Variants in COL10A1 observed in about 807,000 individuals in gnomAD.
The protein encoded by COL10A1 is collagen type X alpha 1 chain.
COL10A1 carries 10 observed loss-of-function variants against 18.2 expected under a neutral mutation model. The ratio of observed to expected loss-of-function variants is 0.55; its 90% CI spans 0.34 to 0.93. The LOEUF (loss-of-function observed/expected upper bound fraction) is 0.93, where lower values mean the gene tolerates loss of function less well. Ranked by LOEUF, COL10A1 falls within the 40% of genes least tolerant of loss-of-function variation. The pLI, the probability that COL10A1 is intolerant of heterozygous loss-of-function variation, is 0.02. For synonymous variants in COL10A1, 330 were observed against 316.6 expected, an observed-to-expected ratio of 1.04 and a Z score of -0.45; for missense variants, 897 against 853.5, an observed-to-expected ratio of 1.05 and a Z score of -0.64.
At chr6:116,144,616 A>G (rs527540454) in intron 1 of COL10A1, among the ~76,000 whole-genome samples, 1 of 152,310 alleles carries the variant, frequency 6.6e-6, no homozygotes, top group East Asian at 1.9e-4. Context: ...GGTGTATTTA[A>G]ATTAACCTTG....
intron 1 of COL10A1, among the ~76,000 whole-genome samples, chr6:116,146,781 T>A (rs1779908767): frequency 6.6e-6 from 1 of 151,992 alleles, no homozygotes; most frequent in Non-Finnish European, 1.5e-5. Context: ...ATTTAATGTA[T>A]GAAAAAGATA....
the COL10A1 span, among the ~76,000 whole-genome samples, chr6:116,176,638 A>G: frequency 6.6e-6 from 1 of 152,168 alleles, no homozygotes; most frequent in Middle Eastern, 3.2e-3. Context: ...TGTGCCCATA[A>G]TAGAGTTTTT....
the COL10A1 span, among the ~76,000 whole-genome samples, chr6:116,194,890 C>T: frequency 9.9e-5 from 15 of 151,950 alleles, no homozygotes; most frequent in Non-Finnish European, 2.1e-4. Context: ...TAGTTTGATA[C>T]AAGCATATTT....
intron 1 of COL10A1, among the ~76,000 whole-genome samples, chr6:116,158,113 A>T (rs1780242625): frequency 6.6e-6 from 1 of 152,232 alleles, no homozygotes; most frequent in Admixed American, 6.5e-5. Flanking sequence ...TCTAGTTTCA[A>T]TAGCTATTAA....
the COL10A1 span, among the ~76,000 whole-genome samples, chr6:116,184,314 G>A: frequency 6.6e-6 from 1 of 152,018 alleles, no homozygotes; most frequent in African/African-American, 2.4e-5. Flanking sequence ...ATATTTTGTT[G>A]AGGATTTTGC....
chr6:116,121,863 A>T lies in COL10A1; in HGVS notation c.253T>A (p.Tyr85Asn). The T allele has an allele frequency of 6.2e-7, 1 of 1,613,810 alleles. No homozygotes were observed. Among genetic ancestry groups the T allele is most frequent in the Non-Finnish European group, 8.5e-7 (1 of 1,179,928 alleles). Residue 85 changes from tyrosine (Y) to asparagine (N), a missense_variant, in exon 3 of 3, where the codon TAC becomes AAC. Tyr to Asn is a moderately radical substitution (Grantham distance 143, BLOSUM62 -2). Transcript: ENST00000651968. ...GPSGPPGKPG[Y>N]GSPGLQGEPG... ...TCTCCTTGGAGTCCAGGACTTCCGT[A>T]GCCTGGTTTTCCTGGTGGTCCAGAA...
chr6:116,214,357 T>G, the COL10A1 span, among the ~76,000 whole-genome samples: 1 of 152,164 alleles, frequency 6.6e-6, no homozygotes, highest in East Asian at 1.9e-4. Flanking sequence ...CTTAAAATGT[T>G]TTTAAACACA....
At chr6:116,135,868 T>C (rs199680402) in intron 1 of COL10A1, among the ~76,000 whole-genome samples, 22,489 of 115,170 alleles carry the variant, frequency 0.2, 2,109 homozygotes, top group East Asian at 0.29. Flanking sequence ...TATATATATA[T>C]ATATACACAC....
rs1474936795 is a variant in COL10A1, at chr6:116,119,094, G to C, written c.*979C>G. 1 of 152,596 alleles carries C rather than the reference G, an allele frequency of 6.6e-6. No homozygotes were observed. The highest frequency in any genetic ancestry group is 1.5e-5 in the Non-Finnish European group (1 of 68,038). 9.5% of individuals were successfully genotyped at this position (152,596 alleles called of 1,614,324 possible). A position where few individuals can be genotyped will look rare whatever the true frequency, so the allele number is the denominator to read the frequency against. On this transcript the variant is annotated 3_prime_UTR_variant, in exon 3 of 3. Transcript: ENST00000651968. ...AAACATTTTGTGCTTTAATAAGTGA[G>C]GCACAGCTTAAAAGTTTTAAACAGC...
At chr6:116,178,716 C>T in the COL10A1 span, among the ~76,000 whole-genome samples, 1 of 152,126 alleles carries the variant, frequency 6.6e-6, no homozygotes, top group African/African-American at 2.4e-5. Context: ...GAGCAGTTTC[C>T]CTATAATAAT....
intron 1 of COL10A1, among the ~76,000 whole-genome samples, chr6:116,139,625 T>G (rs1779713264): frequency 6.6e-6 from 1 of 152,172 alleles, no homozygotes; most frequent in Non-Finnish European, 1.5e-5. Context: ...TAAAATTTGG[T>G]TGTTTTACTT....
the COL10A1 span, among the ~76,000 whole-genome samples, chr6:116,208,061 A>C: frequency 6.6e-6 from 1 of 151,986 alleles, no homozygotes; most frequent in African/African-American, 2.4e-5. Context: ...TGAGCACTTC[A>C]GTCCTCAGTG....
chr6:116,191,333 T>TAAAC, the COL10A1 span, among the ~76,000 whole-genome samples: 1 of 151,920 alleles, frequency 6.6e-6, no homozygotes, highest in Non-Finnish European at 1.5e-5. Context: ...TTAACCATAG[T>TAAAC]AAACAAACAA....
chr6:116,135,841 AT>A (rs1779578546), intron 1 of COL10A1, among the ~76,000 whole-genome samples: 2 of 73,744 alleles, frequency 2.7e-5, no homozygotes, highest in Non-Finnish European at 4.9e-5. Flanking sequence ...TCAGATATAT[AT>A]ATATATATAT....
At chr6:116,208,069 G>A in the COL10A1 span, among the ~76,000 whole-genome samples, 1 of 151,952 alleles carries the variant, frequency 6.6e-6, no homozygotes, top group African/African-American at 2.4e-5. Context: ...TCAGTCCTCA[G>A]TGTGGGGCAG....
intron 1 of COL10A1, among the ~76,000 whole-genome samples, chr6:116,149,927 C>G (rs986416140): frequency 6.6e-6 from 1 of 152,208 alleles, no homozygotes; most frequent in Non-Finnish European, 1.5e-5. Flanking sequence ...TTCCCCCACT[C>G]ACAGGTAGGT....
chr6:116,131,903 C>T (rs1779476308), intron 1 of COL10A1, among the ~76,000 whole-genome samples: 1 of 152,146 alleles, frequency 6.6e-6, no homozygotes, highest in African/African-American at 2.4e-5. Flanking sequence ...TTAGCTCCTA[C>T]TTATAAGTGA....
At chr6:116,160,437 TC>T (rs142544953), upstream of COL10A1, among the ~76,000 whole-genome samples, 5,886 of 152,290 alleles carry the variant, frequency 0.039, 154 homozygotes, top group South Asian at 0.072. Flanking sequence ...TCTGTTCATA[TC>T]CGTTTGTCTA....
At chr6:116,129,322 G>A (rs1426439199), upstream of COL10A1, among the ~76,000 whole-genome samples, 1 of 152,086 alleles carries the variant, frequency 6.6e-6, no homozygotes, top group East Asian at 1.9e-4. Flanking sequence ...TTGAAATTAG[G>A]TTGATTCATA....
Sources: gnomAD v4.1 joint callset for allele counts (sites outside exome capture counted in the v4.1 genomes callset) on GRCh38, gnomAD v4.1.1 for gene constraint, MANE v1.5 for transcripts, NCBI Gene and HGNC (gene_info 2026-07-23, HGNC 2026-07-21) for gene names.